The following STOX1 variants were observed in gnomAD, a reference collection of about 807,000 sequenced individuals.
STOX1 encodes storkhead box 1.
In STOX1, 57 loss-of-function variants were observed where a neutral mutation model predicts 74.8. The observed-to-expected ratio is 0.76, with a 90% CI of 0.62 to 0.95. The LOEUF (loss-of-function observed/expected upper bound fraction) is 0.95. STOX1 is among the 40% of genes least tolerant of loss of function. The probability of loss-of-function intolerance (pLI) is 0.00; values close to 1 mark genes in which losing one functional copy is unlikely to be tolerated. For missense variants in STOX1, 1,010 were observed against 1,117.0 expected (o/e 0.90, Z 1.37); for synonymous variants, 375 against 401.3 (o/e 0.93, Z 0.78).
At chr10:68,847,405 GGTTTT>G (rs60685330) in intron 1 of STOX1, among the ~76,000 whole-genome samples, 9 of 150,672 alleles carry the variant, frequency 6.0e-5, no homozygotes, top group Non-Finnish European at 1.0e-4. Context: ...GAAGGTAGAA[GGTTTT>G]GTTTTGTTTT....
At chr10:68,866,961 T>A (rs967387375) in intron 1 of STOX1, among the ~76,000 whole-genome samples, 1 of 151,492 alleles carries the variant, frequency 6.6e-6, no homozygotes, top group Non-Finnish European at 1.5e-5. Flanking sequence ...TTTTTTTTTT[T>A]TCGAGGCAGC....
chr10:68,886,723 T>C (rs903837748), intron 3 of STOX1, 105 bp downstream of exon 3: 4 of 995,010 alleles, frequency 4.0e-6, no homozygotes, highest in South Asian at 1.4e-5. Context: ...GGTCAAGAGA[T>C]TGAGACCATC....
chr10:68,886,207 G>T lies in STOX1; in HGVS notation c.2411G>T (p.Gly804Val). ...LKRNECYKPT[G>V]LHATPGESQE... ...AGAAATGAATGCTACAAACCCACTG[G>T]GCTGCATGCTACCCCAGGTGAAAGC... The change falls in exon 3 of 4, where the codon GGG (glycine) becomes GTG (valine). Residue 804 changes from glycine to valine, a missense_variant. Coordinates refer to ENST00000298596, the MANE Select transcript of STOX1 (RefSeq NM_152709.5). 6.2e-7 allele frequency: 1 copy of T among 1,614,154 alleles called. No individual in the cohort carries two copies. Among genetic ancestry groups the T allele is most frequent in the Non-Finnish European group, 8.5e-7 (1 of 1,180,034 alleles).
At chr10:68,880,869 T>C (rs1426579041) in intron 1 of STOX1, among the ~76,000 whole-genome samples, 1 of 152,078 alleles carries the variant, frequency 6.6e-6, no homozygotes. Flanking sequence ...AATTTTTGTA[T>C]TTTTAGTAGA....
chr10:68,840,921 A>G (rs910676847), intron 1 of STOX1, among the ~76,000 whole-genome samples: 1 of 149,060 alleles, frequency 6.7e-6, no homozygotes, highest in African/African-American at 2.5e-5. Flanking sequence ...GTACGTGCAC[A>G]CATGCACTTG....
chr10:68,885,207 G>A lies in STOX1; in HGVS notation c.1411G>A (p.Val471Ile), dbSNP rs2131996935. 2 of 1,614,194 alleles carry A rather than the reference G, an allele frequency of 1.2e-6. No individual in the cohort carries two copies. The highest frequency in any genetic ancestry group is 1.7e-6 in the Non-Finnish European group (2 of 1,180,046). Residue 471 changes from valine (V) to isoleucine (I), a missense_variant, in exon 3 of 4, where the codon GTA becomes ATA. Coordinates refer to ENST00000298596, the MANE Select transcript of STOX1 (RefSeq NM_152709.5). Reference sequence around the variant, plus strand: ...CAGAATTAAAAGCCCAAATGAAATGGTAGGTCAGAAACCACTTGGTGAGAT... The same window carrying A: ...CAGAATTAAAAGCCCAAATGAAATGATAGGTCAGAAACCACTTGGTGAGAT... ...IPRIKSPNEM[V>I]GQKPLGEITT...
chr10:68,888,387 C>A (rs1841017142), intron 3 of STOX1, among the ~76,000 whole-genome samples: 1 of 152,132 alleles, frequency 6.6e-6, no homozygotes, highest in Non-Finnish European at 1.5e-5. Context: ...CAGGTGTGAG[C>A]CACTGTGCCT....
At chr10:68,859,163 G>C (rs1417940) in intron 1 of STOX1, among the ~76,000 whole-genome samples, 1 of 151,926 alleles carries the variant, frequency 6.6e-6, no homozygotes, top group Non-Finnish European at 1.5e-5. Context: ...AGCTAATCCT[G>C]TATTGATGTT....
intron 1 of STOX1, among the ~76,000 whole-genome samples, chr10:68,846,304 A>T (rs930609376): frequency 1.3e-5 from 2 of 151,158 alleles, no homozygotes; most frequent in Non-Finnish European, 2.9e-5. Flanking sequence ...GCACCACCAG[A>T]CCTGGCTAAT....
At chr10:68,861,351 G>A (rs1475797905) in intron 1 of STOX1, among the ~76,000 whole-genome samples, 4 of 152,254 alleles carry the variant, frequency 2.6e-5, no homozygotes, top group Middle Eastern at 3.4e-3. Flanking sequence ...GCAGGAACAT[G>A]TCCTTAAGGC....
At chr10:68,844,775 A>G (rs1413669096) in intron 1 of STOX1, among the ~76,000 whole-genome samples, 3 of 148,226 alleles carry the variant, frequency 2.0e-5, no homozygotes, top group Non-Finnish European at 4.4e-5. Context: ...ATATTTATTT[A>G]TTTTTGAGAT....
chr10:68,888,802 A>ATTTTT (rs35174437), intron 3 of STOX1, among the ~76,000 whole-genome samples: 1,808 of 32,112 alleles, frequency 0.056, 423 homozygotes, highest in East Asian at 0.064. Flanking sequence ...TGCCCAGCTA[A>ATTTTT]TTTTTTTTTT....
intron 1 of STOX1, among the ~76,000 whole-genome samples, chr10:68,869,128 C>T (rs1011095579): frequency 2.0e-5 from 3 of 152,182 alleles, no homozygotes; most frequent in Non-Finnish European, 2.9e-5. Context: ...CACAGACTTC[C>T]GGGAATAGCA....
intron 1 of STOX1, among the ~76,000 whole-genome samples, chr10:68,859,282 A>G (rs2133555624): frequency 6.6e-6 from 1 of 152,238 alleles, no homozygotes; most frequent in South Asian, 2.1e-4. Context: ...TTTGAGAGCA[A>G]CCTATTCTTT....
chr10:68,879,401 C>T (rs374757823), intron 1 of STOX1, among the ~76,000 whole-genome samples: 18 of 151,996 alleles, frequency 1.2e-4, no homozygotes, highest in African/African-American at 3.9e-4. Flanking sequence ...TTCTGCCACC[C>T]TCTGTATTAT....
intron 1 of STOX1, among the ~76,000 whole-genome samples, chr10:68,836,885 A>C (rs1282619258): frequency 6.6e-6 from 1 of 152,176 alleles, no homozygotes; most frequent in Non-Finnish European, 1.5e-5. Context: ...TATTTTCCAC[A>C]AACAGGGGAA....
chr10:68,869,848 T>C (rs1840494335), intron 1 of STOX1, among the ~76,000 whole-genome samples: 3 of 152,214 alleles, frequency 2.0e-5, no homozygotes, highest in African/African-American at 7.2e-5. Context: ...GTAGAGAGCA[T>C]TTCATGGAAT....
At chr10:68,853,114 G>A (rs1224622333) in intron 1 of STOX1, among the ~76,000 whole-genome samples, 3 of 151,964 alleles carry the variant, frequency 2.0e-5, no homozygotes, top group Non-Finnish European at 2.9e-5. Context: ...TAGTAGAAAC[G>A]GGGTTTCACC....
chr10:68,882,083 T>C lies in STOX1; in HGVS notation c.436T>C (p.Leu146=). Residue 146 remains leucine (L), a synonymous_variant, in exon 2 of 4, where the codon TTG becomes CTG. Transcript: ENST00000298596. The stretch of plus-strand genomic sequence containing the variant: ...GATTGTAGTAACGCAGGAATCACTT[T>C]TGGAGCGTTTGATGAAACATTACCC... ...AQIVVTQESL[L]ERLMKHYPGI... is the part of the protein sequence containing the mutation. 6.2e-7 allele frequency: 1 copy of C among 1,613,938 alleles called. No individual in the cohort carries two copies. Among genetic ancestry groups the C allele is most frequent in the Non-Finnish European group, 8.5e-7 (1 of 1,179,906 alleles).
Sources: allele counts gnomAD v4.1 joint callset (sites outside exome capture counted in the v4.1 genomes callset), GRCh38; gene constraint gnomAD v4.1.1; transcripts MANE v1.5; gene names NCBI Gene and HGNC (gene_info 2026-07-23, HGNC 2026-07-21).